The following TMPRSS11D variants were observed in gnomAD, a reference collection of about 807,000 sequenced individuals.
TMPRSS11D encodes transmembrane serine protease 11D, also known as transmembrane protease serine 11D.
Under a neutral mutation model 44.4 loss-of-function variants are expected in TMPRSS11D, and 32 were observed. The ratio of observed to expected loss-of-function variants is 0.72; its 90% CI spans 0.54 to 0.97. TMPRSS11D has a LOEUF of 0.97. Ranked by LOEUF, TMPRSS11D falls within the 50% of genes least tolerant of loss-of-function variation. The pLI, the probability that TMPRSS11D is intolerant of heterozygous loss-of-function variation, is 0.00. For synonymous variants in TMPRSS11D, 179 were observed against 177.9 expected (o/e 1.01, Z -0.05); for missense variants, 446 against 502.6 (o/e 0.89, Z 1.08).
chr4:67,841,129 T>C (rs867477756), intron 4 of TMPRSS11D, among the ~76,000 whole-genome samples: 104 of 152,186 alleles, frequency 6.8e-4, no homozygotes, highest in African/African-American at 2.3e-3. Flanking sequence ...ATCCATGTGA[T>C]GGTACCAAGT....
intron 3 of TMPRSS11D, among the ~76,000 whole-genome samples, chr4:67,843,569 C>A (rs753873866): frequency 6.6e-6 from 1 of 152,164 alleles, no homozygotes; most frequent in Non-Finnish European, 1.5e-5. Flanking sequence ...AAAAAGGATA[C>A]TCCAACCTCA....
chr4:67,855,973 A>C (rs1005493861), intron 2 of TMPRSS11D, among the ~76,000 whole-genome samples: 17 of 152,282 alleles, frequency 1.1e-4, no homozygotes, highest in African/African-American at 3.8e-4. Flanking sequence ...CAAAACACTG[A>C]TGAAAGAAAT....
intron 3 of TMPRSS11D, among the ~76,000 whole-genome samples, chr4:67,846,405 A>C (rs1718358204): frequency 6.6e-6 from 1 of 152,148 alleles, no homozygotes; most frequent in Non-Finnish European, 1.5e-5. Context: ...TTATAATATA[A>C]GTGGATAGAA....
chr4:67,822,301 GC>G lies in TMPRSS11D; in HGVS notation c.*35del. Reference sequence around the variant, plus strand: ...TTTGGAATTTAAGACAGGCACACCTGCATACAGACTTTGCAACAGGGATGCA... The same window carrying G: ...TTTGGAATTTAAGACAGGCACACCTGATACAGACTTTGCAACAGGGATGCA... On this transcript the variant is annotated 3_prime_UTR_variant, in exon 10 of 10. Transcript: ENST00000283916. 6.2e-7 allele frequency: 1 copy of G among 1,607,882 alleles called. No individual in the cohort carries two copies. Among genetic ancestry groups the G allele is most frequent in the Non-Finnish European group, 8.5e-7 (1 of 1,175,230 alleles).
At chr4:67,849,639 A>C (rs1718446260) in intron 3 of TMPRSS11D, among the ~76,000 whole-genome samples, 1 of 152,214 alleles carries the variant, frequency 6.6e-6, no homozygotes, top group Admixed American at 6.5e-5. Context: ...TACTATAGAA[A>C]TTATCTAGTC....
chr4:67,883,965 G>C lies in TMPRSS11D; in HGVS notation c.-32C>G, dbSNP rs778655091. 5 of 1,597,228 alleles carry C rather than the reference G, an allele frequency of 3.1e-6. No individual in the cohort carries two copies. In the South Asian group the frequency reaches 5.6e-5, roughly 18 times the overall value. Reference sequence around the variant, plus strand: ...CCTTAATGAAGAGGTTCTTTTTTCTGCCTACTCAACTGCTTTGAGATTCCC... The same window carrying C: ...CCTTAATGAAGAGGTTCTTTTTTCTCCCTACTCAACTGCTTTGAGATTCCC... On this transcript the variant is annotated 5_prime_UTR_variant, in exon 1 of 10. Coordinates refer to ENST00000283916, the MANE Select transcript of TMPRSS11D (RefSeq NM_004262.3).
intron 1 of TMPRSS11D, among the ~76,000 whole-genome samples, chr4:67,877,448 G>A (rs1430512550): frequency 6.6e-6 from 1 of 152,184 alleles, no homozygotes; most frequent in Non-Finnish European, 1.5e-5. Flanking sequence ...GGGGGATTCA[G>A]AGAGAGATAA....
chr4:67,867,436 G>A lies in TMPRSS11D; in HGVS notation c.9-7758C>T, dbSNP rs1296091035. On this transcript the variant is annotated intron_variant, in intron 1 of 9. Coordinates refer to ENST00000283916, the MANE Select transcript of TMPRSS11D (RefSeq NM_004262.3). Reference sequence around the variant, plus strand: ...TTAACCTAGGCAAAGAATTTATGACGAAGTCCTCAAAAGCAAATGCAACAA... The same window carrying A: ...TTAACCTAGGCAAAGAATTTATGACAAAGTCCTCAAAAGCAAATGCAACAA... Among the ~76,000 whole-genome samples the A allele has an allele frequency of 4.6e-5, 7 of 151,842 alleles. No homozygotes were observed. In the South Asian group the frequency reaches 6.2e-4, roughly 14 times the overall value.
chr4:67,828,471 A>T (rs1030384973), intron 7 of TMPRSS11D, among the ~76,000 whole-genome samples: 1 of 152,166 alleles, frequency 6.6e-6, no homozygotes, highest in Non-Finnish European at 1.5e-5. Context: ...GAAAAATTTC[A>T]TCTTGTTCAT....
intron 5 of TMPRSS11D, 44 bp from the exon 6 acceptor site, chr4:67,835,165 A>G: frequency 6.5e-7 from 1 of 1,526,980 alleles, no homozygotes; most frequent in Non-Finnish European, 9.1e-7. Context: ...ATAAAGGCTG[A>G]TATCATTTCA....
At chr4:67,841,622 G>A (rs552932319) in intron 4 of TMPRSS11D, among the ~76,000 whole-genome samples, 3 of 152,306 alleles carry the variant, frequency 2.0e-5, no homozygotes, top group South Asian at 2.1e-4. Flanking sequence ...GAAGGCTCAT[G>A]TAGTCCTACA....
rs978085721 is a variant in TMPRSS11D at position 67,854,958 on chromosome 4, T to TA, written c.131-773dup. ...GAGAGAAAACCAGACAAGGACACAATAAAAAAAAATACTACAGGCCGGGTG... is the reference window on the plus strand; with the variant it reads ...GAGAGAAAACCAGACAAGGACACAATAAAAAAAAAATACTACAGGCCGGGTG... On this transcript the variant is annotated intron_variant, in intron 2 of 9. Coordinates refer to ENST00000283916, the MANE Select transcript of TMPRSS11D (RefSeq NM_004262.3). Among the ~76,000 whole-genome samples the TA allele has an allele frequency of 8.6e-4, 129 of 150,660 alleles. 3 individuals are homozygous for TA. Among genetic ancestry groups the TA allele is most frequent in the African/African-American group, 1.2e-3 (48 of 40,982 alleles).
rs1242700718 is a variant in TMPRSS11D at position 67,827,353 on chromosome 4, T to A, written c.860A>T (p.Asp287Val). 6.2e-7 allele frequency: 1 copy of A among 1,613,348 alleles called. No homozygotes were observed. Among genetic ancestry groups the A allele is most frequent in the East Asian group, 2.2e-5 (1 of 44,844 alleles). Residue 287 changes from aspartate to valine, a missense_variant, in exon 8 of 10, where the codon GAT becomes GTT. Transcript: ENST00000283916. ...AGCTGGGAGACACACACTATGGATA[T>A]CTTTGGTAAAGGTGACACTGTTCTC... The part of the protein sequence containing the change: ...RLENSVTFTK[D>V]IHSVCLPAAT...
intron 6 of TMPRSS11D, among the ~76,000 whole-genome samples, chr4:67,834,634 G>A (rs914501499): frequency 2.0e-5 from 3 of 152,128 alleles, no homozygotes; most frequent in African/African-American, 7.2e-5. Context: ...TAGACCCAAA[G>A]CTGGGAAGAC....
At chr4:67,853,969 G>A (rs929548840) in intron 3 of TMPRSS11D, 99 bp downstream of exon 3, 3 of 693,866 alleles carry the variant, frequency 4.3e-6, no homozygotes, top group Non-Finnish European at 6.9e-6. Flanking sequence ...AGGAAAATAT[G>A]TAGAGCACTT....
intron 6 of TMPRSS11D, 39 bp from the exon 7 acceptor site, chr4:67,833,420 A>T (rs1280179815): frequency 2.2e-6 from 3 of 1,374,630 alleles, no homozygotes; most frequent in Non-Finnish European, 2.8e-6. Context: ...GAAGATCATG[A>T]TTCCTTTACA....
chr4:67,829,241 G>A (rs971136774), intron 7 of TMPRSS11D, among the ~76,000 whole-genome samples: 12 of 151,996 alleles, frequency 7.9e-5, no homozygotes, highest in African/African-American at 2.9e-4. Flanking sequence ...AGGGATGGAC[G>A]ATATGGCTGG....
chr4:67,822,321 G>A lies in TMPRSS11D; in HGVS notation c.*16C>T, dbSNP rs765881116. 9.5e-5 allele frequency: 153 copies of A among 1,612,872 alleles called. No homozygotes were observed. Among genetic ancestry groups the A allele is most frequent in the Non-Finnish European group, 1.2e-4 (147 of 1,179,204 alleles). ...CACCTGCATACAGACTTTGCAACAGGGATGCACTTGTTGCACTAGATCCCA... is the reference window on the plus strand; with the variant it reads ...CACCTGCATACAGACTTTGCAACAGAGATGCACTTGTTGCACTAGATCCCA... On this transcript the variant is annotated 3_prime_UTR_variant, in exon 10 of 10. Transcript: ENST00000283916.
intron 1 of TMPRSS11D, among the ~76,000 whole-genome samples, chr4:67,883,390 G>A (rs920467568): frequency 5.6e-4 from 85 of 152,006 alleles, no homozygotes; most frequent in Non-Finnish European, 1.8e-4. Context: ...AAACCAGAGA[G>A]AGATTATTTT....
Sources: allele counts gnomAD v4.1 joint callset (sites outside exome capture counted in the v4.1 genomes callset), GRCh38; gene constraint gnomAD v4.1.1; transcripts MANE v1.5; gene names NCBI Gene and HGNC (gene_info 2026-07-23, HGNC 2026-07-21).